The following GOLM1 variants were observed in gnomAD, a reference collection of about 807,000 sequenced individuals.
The protein encoded by GOLM1 is epididymis luminal protein 46.
A neutral mutation model predicts 50.5 loss-of-function variants in GOLM1; 31 were observed. That is an observed-to-expected ratio of 0.61 (90% CI 0.46 to 0.83). GOLM1 has a LOEUF of 0.83. Ranked by LOEUF, GOLM1 falls within the 40% of genes least tolerant of loss-of-function variation. GOLM1 has a pLI of 0.00. For missense variants in GOLM1, 491 were observed against 501.3 expected (o/e 0.98, Z 0.20); for synonymous variants, 178 against 192.8 (o/e 0.92, Z 0.64).
Position 86,026,417 on chromosome 9 carries a change from A to G in GOLM1, c.*1400T>C. The G allele has an allele frequency of 1.0e-6, 1 of 985,372 alleles. No homozygotes were observed. The highest frequency in any genetic ancestry group is 1.2e-6 in the Non-Finnish European group (1 of 829,874). 61.0% of individuals were successfully genotyped at this position (985,372 alleles called of 1,614,324 possible). A position where few individuals can be genotyped will look rare whatever the true frequency, so the allele number is the denominator to read the frequency against. ...GGAGGTGGCAACGTGAATTGCAAACAGGGCCTGCTTCAGTGACTGTGTGCC... is the reference window on the plus strand; with the variant it reads ...GGAGGTGGCAACGTGAATTGCAAACGGGGCCTGCTTCAGTGACTGTGTGCC... On this transcript the variant is annotated 3_prime_UTR_variant, in exon 10 of 10. Coordinates refer to ENST00000388712, the MANE Select transcript of GOLM1 (RefSeq NM_016548.4).
intron 3 of GOLM1, among the ~76,000 whole-genome samples, chr9:86,058,203 T>C (rs1834045578): frequency 6.6e-6 from 1 of 152,184 alleles, no homozygotes. Context: ...AGAAATAAAA[T>C]GTCAGTTGTA....
At chr9:86,069,802 T>TGAGGA (rs1162042459) in intron 3 of GOLM1, among the ~76,000 whole-genome samples, 3 of 152,214 alleles carry the variant, frequency 2.0e-5, no homozygotes, top group Non-Finnish European at 4.4e-5. Flanking sequence ...TCCACATTCC[T>TGAGGA]TTTCTAATCC....
At chr9:86,028,606 T>A (rs931358279) in intron 9 of GOLM1, among the ~76,000 whole-genome samples, 1 of 152,180 alleles carries the variant, frequency 6.6e-6, no homozygotes, top group Non-Finnish European at 1.5e-5. Flanking sequence ...GAGGGTCTAA[T>A]TGAACTGATT....
Position 86,035,507 on chromosome 9 carries a change from T to C in GOLM1, c.876A>G (p.Gly292=). ...DRPVGGRGFG[G]AGELGQTPQV... is the part of the protein sequence containing the mutation. ...GTGGGGTCTGGCCCAGTTCTCCGGCTCCCCCGAAGCCTCTTCCACCTACAG... is the reference window on the plus strand; with the variant it reads ...GTGGGGTCTGGCCCAGTTCTCCGGCCCCCCCGAAGCCTCTTCCACCTACAG... Residue 292 remains glycine, a synonymous_variant, in exon 8 of 10, where the codon GGA becomes GGG. Transcript: ENST00000388712. 1 of 1,612,140 alleles carries C rather than the reference T, an allele frequency of 6.2e-7. No homozygotes were observed. The highest frequency in any genetic ancestry group is 8.5e-7 in the Non-Finnish European group (1 of 1,179,800).
chr9:86,075,373 G>A (rs11793054), intron 3 of GOLM1, among the ~76,000 whole-genome samples: 4,080 of 152,304 alleles, frequency 0.027, 80 homozygotes, highest in Non-Finnish European at 0.04. Context: ...CTCGACTGCC[G>A]TTGGTACAAT....
chr9:86,035,376 G>A lies in GOLM1; in HGVS notation c.1007C>T (p.Ala336Val), dbSNP rs540361898. 20 of 1,613,434 alleles carry A rather than the reference G, an allele frequency of 1.2e-5. No homozygotes were observed. The South Asian group carries it at 2.1e-4, about 17-fold the overall frequency. The part of the protein sequence containing the change: ...PDGQEEEQEA[A>V]GEGRNQQKLR... ...CGAAACTTCACACCCACCTTCCCCG[G>A]CAGCTTCCTGCTCCTCCTCCTGTCC... Residue 336 changes from alanine to valine, a missense_variant, in exon 8 of 10, where the codon GCC becomes GTC. Ala to Val is a moderately conservative substitution (Grantham distance 64). Coordinates refer to ENST00000388712, the MANE Select transcript of GOLM1 (RefSeq NM_016548.4).
chr9:86,027,944 G>C, intron 9 of GOLM1, 51 bp from the exon 10 acceptor site: 1 of 1,085,930 alleles, frequency 9.2e-7, no homozygotes, highest in Admixed American at 2.0e-5. Context: ...TGAGATACTA[G>C]CCCTAGGCAG....
At chr9:86,029,033 A>T (rs1484977002) in intron 9 of GOLM1, among the ~76,000 whole-genome samples, 1 of 151,766 alleles carries the variant, frequency 6.6e-6, no homozygotes, top group African/African-American at 2.4e-5. Flanking sequence ...TTGTTGTTGT[A>T]GTTTTAGTAG....
At chr9:86,062,787 G>A (rs1834199678) in intron 3 of GOLM1, among the ~76,000 whole-genome samples, 2 of 152,096 alleles carry the variant, frequency 1.3e-5, no homozygotes, top group Admixed American at 6.5e-5. Flanking sequence ...GTAGCAGCCT[G>A]CCCCTGTGCC....
At chr9:86,072,156 A>G (rs926643021) in intron 3 of GOLM1, among the ~76,000 whole-genome samples, 4 of 152,208 alleles carry the variant, frequency 2.6e-5, no homozygotes, top group African/African-American at 9.6e-5. Flanking sequence ...TATAAGCTAC[A>G]AAGACAATCA....
intron 3 of GOLM1, among the ~76,000 whole-genome samples, chr9:86,052,821 G>A (rs779173523): frequency 1.1e-3 from 120 of 111,288 alleles, no homozygotes; most frequent in Non-Finnish European, 1.9e-3. Flanking sequence ...AAAAGCCAAC[G>A]GGTCCAGACC....
At chr9:86,095,324 G>A (rs556149452) in intron 1 of GOLM1, among the ~76,000 whole-genome samples, 1 of 152,086 alleles carries the variant, frequency 6.6e-6, no homozygotes, top group Admixed American at 6.5e-5. Flanking sequence ...TGCCTCCTGG[G>A]TTCAAGTGAT....
intron 4 of GOLM1, among the ~76,000 whole-genome samples, chr9:86,051,571 C>G (rs1052000179): frequency 2.6e-5 from 4 of 152,160 alleles, no homozygotes; most frequent in Non-Finnish European, 5.9e-5. Flanking sequence ...AAAATGCAAA[C>G]TAGTCTACAT....
intron 1 of GOLM1, among the ~76,000 whole-genome samples, chr9:86,088,118 C>T (rs1835034933): frequency 6.6e-6 from 1 of 151,980 alleles, no homozygotes. Context: ...AATTTCAGAA[C>T]TTGTTATTGG....
At chr9:86,052,799 C>CCG (rs1564346660) in intron 3 of GOLM1, among the ~76,000 whole-genome samples, 1 of 152,084 alleles carries the variant, frequency 6.6e-6, no homozygotes, top group African/African-American at 2.4e-5. Flanking sequence ...ACCACCGCCT[C>CCG]TGGACCCGAG....
At position 86,083,089 on chromosome 9, in the gene GOLM1, T is replaced by C. The variant is rs905139515; in HGVS notation, c.-21-3748A>G. On this transcript the variant is annotated intron_variant, in intron 1 of 9. Transcript: ENST00000388712. ...GGTTTTCCAGGCTTATTTCCAACAA[T>C]GCTACCATAAACAACCTTACACAGC... 2.0e-5 allele frequency among the ~76,000 whole-genome samples: 3 copies of C among 152,180 alleles called. No homozygotes were observed. In the East Asian group the frequency reaches 5.8e-4, roughly 29 times the overall value.
At chr9:86,048,582 TG>T (rs1199053700) in intron 4 of GOLM1, among the ~76,000 whole-genome samples, 1 of 152,210 alleles carries the variant, frequency 6.6e-6, no homozygotes, top group Non-Finnish European at 1.5e-5. Context: ...TGCTGTGAGA[TG>T]GTATCTCATT....
intron 8 of GOLM1, among the ~76,000 whole-genome samples, chr9:86,033,600 G>A (rs930215896): frequency 2.6e-5 from 4 of 152,190 alleles, no homozygotes; most frequent in African/African-American, 9.7e-5. Context: ...GGAATCTACA[G>A]ACAGCATGGC....
intron 5 of GOLM1, among the ~76,000 whole-genome samples, chr9:86,045,642 T>G (rs1002946044): frequency 3.4e-5 from 5 of 145,174 alleles, no homozygotes; most frequent in African/African-American, 1.1e-4. Context: ...GCCACTGCAC[T>G]CCAGCATGGG....
Sources: allele counts gnomAD v4.1 joint callset (sites outside exome capture counted in the v4.1 genomes callset), GRCh38; gene constraint gnomAD v4.1.1; transcripts MANE v1.5; gene names NCBI Gene and HGNC (gene_info 2026-07-23, HGNC 2026-07-21).